ERP44: variants seen among roughly 807,000 people sequenced by gnomAD.
ERP44 encodes endoplasmic reticulum protein 44, also known as endoplasmic reticulum resident protein 44.
In ERP44, 25 loss-of-function variants were observed where a neutral mutation model predicts 53.4. The ratio of observed to expected loss-of-function variants is 0.47; its 90% confidence interval spans 0.34 to 0.65. The LOEUF (loss-of-function observed/expected upper bound fraction) is 0.65, where lower values mean the gene tolerates loss of function less well. Ranked by LOEUF, ERP44 falls within the 30% of genes least tolerant of loss-of-function variation. The probability of loss-of-function intolerance (pLI) is 0.01; values close to 1 mark genes in which losing one functional copy is unlikely to be tolerated. For synonymous variants in ERP44, 145 were observed against 161.2 expected, an observed-to-expected ratio of 0.90 and a Z score of 0.76; for missense variants, 338 against 493.2, an observed-to-expected ratio of 0.69 and a Z score of 2.98.
At chr9:100,082,619 A>T (rs950457083) in intron 1 of ERP44, among the ~76,000 whole-genome samples, 7 of 152,020 alleles carry the variant, frequency 4.6e-5, no homozygotes, top group Non-Finnish European at 8.8e-5. Flanking sequence ...AGGACCCACA[A>T]TTAGCCCTGT....
intron 1 of ERP44, among the ~76,000 whole-genome samples, chr9:100,063,898 T>G (rs1826183742): frequency 6.6e-6 from 1 of 152,152 alleles, no homozygotes; most frequent in African/African-American, 2.4e-5. Context: ...ATTACAACAT[T>G]TCAGCCTAGT....
rs1376592235 is a variant in ERP44 at position 100,032,851 on chromosome 9, G to A, written c.287-10625C>T. ...GGAGATTCTGACTTTAGAGGAAAAA[G>A]CATTCAGGACTCATGGAGAGCTGAA... On this transcript the variant is annotated intron_variant, in intron 4 of 11. Transcript: ENST00000262455. Among the ~76,000 whole-genome samples the A allele has an allele frequency of 3.3e-5, 5 of 152,194 alleles. No individual in the cohort carries two copies. In the East Asian group the frequency reaches 9.6e-4, roughly 29 times the overall value.
intron 4 of ERP44, among the ~76,000 whole-genome samples, chr9:100,046,563 G>C (rs1825972632): frequency 6.6e-6 from 1 of 152,098 alleles, no homozygotes. Flanking sequence ...ATCTGATAAA[G>C]CTATCCAAGA....
chr9:100,031,166 T>C (rs1475157397), intron 4 of ERP44, among the ~76,000 whole-genome samples: 1 of 147,818 alleles, frequency 6.8e-6, no homozygotes, highest in Non-Finnish European at 1.5e-5. Context: ...AACTGGTTAA[T>C]TACAGACTTT....
At chr9:99,988,713 G>A (rs546595967) in intron 10 of ERP44, among the ~76,000 whole-genome samples, 6 of 152,288 alleles carry the variant, frequency 3.9e-5, no homozygotes, top group South Asian at 4.1e-4. Context: ...AGGGCGAGCC[G>A]AAGCAGGGTG....
chr9:100,052,029 T>C (rs1826043613), intron 4 of ERP44, among the ~76,000 whole-genome samples: 1 of 152,222 alleles, frequency 6.6e-6, no homozygotes, highest in African/African-American at 2.4e-5. Context: ...TAAATGGTAT[T>C]TTCACATGAT....
intron 3 of ERP44, 145 bp from the exon 4 acceptor site, chr9:100,052,677 C>T (rs1379261785): frequency 3.9e-6 from 2 of 509,268 alleles, no homozygotes; most frequent in Admixed American, 3.5e-5. Flanking sequence ...TGGACCCTGA[C>T]ATCGTTCAAT....
chr9:99,998,916 G>T, intron 10 of ERP44: 3 of 1,596,018 alleles, frequency 1.9e-6, no homozygotes, highest in Non-Finnish European at 2.6e-6. Flanking sequence ...CTCAGGGTTG[G>T]CACTGGTCTT....
intron 3 of ERP44, among the ~76,000 whole-genome samples, chr9:100,054,126 AGCAT>A (rs1826065550): frequency 6.6e-6 from 1 of 152,190 alleles, no homozygotes; most frequent in Non-Finnish European, 1.5e-5. Flanking sequence ...TTCCTCTTTT[AGCAT>A]TCTTAAATCT....
At chr9:100,068,638 G>A (rs1380591606) in intron 1 of ERP44, among the ~76,000 whole-genome samples, 15 of 147,160 alleles carry the variant, frequency 1.0e-4, no homozygotes, top group Non-Finnish European at 1.4e-4. Flanking sequence ...CCCCCCACCC[G>A]GCCAGCCGCC....
At chr9:100,031,147 A>C (rs889005835) in intron 4 of ERP44, among the ~76,000 whole-genome samples, 3 of 152,000 alleles carry the variant, frequency 2.0e-5, no homozygotes, top group African/African-American at 7.3e-5. Flanking sequence ...GGTTCAAGCC[A>C]GCCTGGAAAA....
intron 10 of ERP44, chr9:99,999,065 C>T (rs982123279): frequency 1.4e-5 from 10 of 737,656 alleles, no homozygotes; most frequent in East Asian, 1.3e-4. Context: ...GGCGGATGAC[C>T]GCCTGCAGGG....
intron 4 of ERP44, among the ~76,000 whole-genome samples, chr9:100,050,541 A>G (rs1826025784): frequency 6.6e-6 from 1 of 152,250 alleles, no homozygotes; most frequent in South Asian, 2.1e-4. Flanking sequence ...TAATTGGCAC[A>G]TAAGAGGTTA....
chr9:100,098,932 C>T lies in ERP44; in HGVS notation c.-92G>A, dbSNP rs915333959. 1.0e-6 allele frequency: 1 copy of T among 989,648 alleles called. No individual in the cohort carries two copies. 61.3% of individuals were successfully genotyped at this position (989,648 alleles called of 1,614,324 possible). ...TAGGAAAGGGCTGGGCTCCGGGAGC[C>T]GACGGCAGCGGAGGATTCTCCAGGC... On this transcript the variant is annotated 5_prime_UTR_variant, in exon 1 of 12. Transcript: ENST00000262455.
At position 100,029,357 on chromosome 9, in the gene ERP44, T is replaced by C. The variant is rs1266495644; in HGVS notation, c.287-7131A>G. Among the ~76,000 whole-genome samples, 4 of 152,246 alleles carry C rather than the reference T, an allele frequency of 2.6e-5. No homozygotes were observed. In the East Asian group the frequency reaches 7.7e-4, roughly 29 times the overall value. Reference sequence around the variant, plus strand: ...ACAAAATCCTATTTTAAAAAGGACATGGCATCTCAACAAACATTTCTCAAA... The same window carrying C: ...ACAAAATCCTATTTTAAAAAGGACACGGCATCTCAACAAACATTTCTCAAA... On this transcript the variant is annotated intron_variant, in intron 4 of 11. Transcript: ENST00000262455.
At chr9:100,086,555 C>G (rs936722557) in intron 1 of ERP44, among the ~76,000 whole-genome samples, 7 of 152,328 alleles carry the variant, frequency 4.6e-5, no homozygotes, top group Non-Finnish European at 1.0e-4. Context: ...ACAAGTATCT[C>G]CTACATGCCA....
chr9:99,998,446 C>T (rs1238952453), intron 10 of ERP44: 20 of 660,882 alleles, frequency 3.0e-5, no homozygotes, highest in South Asian at 2.9e-4. Context: ...TTCTGGGTGC[C>T]GGACCGTCAT....
At chr9:100,004,675 G>A (rs1564087868) in intron 10 of ERP44, among the ~76,000 whole-genome samples, 1 of 152,166 alleles carries the variant, frequency 6.6e-6, no homozygotes, top group African/African-American at 2.4e-5. Flanking sequence ...GGTGGTGCAA[G>A]TAGCATAAAA....
intron 10 of ERP44, 39 bp from the exon 11 acceptor site, chr9:99,985,108 G>T: frequency 7.5e-7 from 1 of 1,339,766 alleles, no homozygotes; most frequent in Non-Finnish European, 1.1e-6. Context: ...CTGTTAAAAT[G>T]GACTTATCTC....
Sources: allele counts gnomAD v4.1 joint callset (sites outside exome capture counted in the v4.1 genomes callset), GRCh38; gene constraint gnomAD v4.1.1; transcripts MANE v1.5; gene names NCBI Gene and HGNC (gene_info 2026-07-23, HGNC 2026-07-21).